TMCO6: variants seen among roughly 807,000 people sequenced by gnomAD.
TMCO6 encodes transmembrane and coiled-coil domain-containing protein 6.
TMCO6 carries 47 observed loss-of-function variants against 61.8 expected under a neutral mutation model. The observed-to-expected ratio is 0.76, with a 90% CI of 0.60 to 0.97. TMCO6 has a LOEUF of 0.97. Among genes scored for constraint, TMCO6 ranks in the 50% least tolerant of loss-of-function variants. The pLI is 0.00. For synonymous variants in TMCO6, 261 were observed against 254.2 expected, an observed-to-expected ratio of 1.03 and a Z score of -0.25; for missense variants, 557 against 601.6, an observed-to-expected ratio of 0.93 and a Z score of 0.78.
the TMCO6 span, among the ~76,000 whole-genome samples, chr5:140,626,622 T>C: frequency 7.4e-4 from 112 of 152,176 alleles, no homozygotes; most frequent in Non-Finnish European, 9.0e-4. Flanking sequence ...CTCTATCTAT[T>C]ATCATTTCTT....
the TMCO6 span, among the ~76,000 whole-genome samples, chr5:140,622,963 C>T: frequency 6.6e-6 from 1 of 152,184 alleles, no homozygotes; most frequent in South Asian, 2.1e-4. Flanking sequence ...AGTGATTCTC[C>T]CAGCTTGGTC....
the TMCO6 span, chr5:140,631,965 T>C: frequency 1.2e-6 from 2 of 1,613,268 alleles, no homozygotes; most frequent in African/African-American, 2.7e-5. Context: ...TGAGCCCTCG[T>C]GGGGGAGGGC....
chr5:140,612,587 C>T, the TMCO6 span, among the ~76,000 whole-genome samples: 1 of 152,176 alleles, frequency 6.6e-6, no homozygotes, highest in Non-Finnish European at 1.5e-5. Flanking sequence ...GATCCACCCG[C>T]CTCGGCCTCC....
intron 7 of TMCO6, 136 bp downstream of exon 7, chr5:140,643,177 G>T: frequency 7.9e-7 from 1 of 1,261,142 alleles, no homozygotes; most frequent in Non-Finnish European, 1.1e-6. Context: ...TGGAGCCCAG[G>T]AGACCCACAG....
chr5:140,609,248 C>T, the TMCO6 span: 3 of 163,892 alleles, frequency 1.8e-5, no homozygotes, highest in South Asian at 3.0e-4. Context: ...CCCAAACGAG[C>T]GGCATGCCAT....
the TMCO6 span, among the ~76,000 whole-genome samples, chr5:140,630,736 A>G: frequency 2.0e-5 from 3 of 152,212 alleles, no homozygotes; most frequent in African/African-American, 7.2e-5. Context: ...GTTTTCTGAC[A>G]TATTTTGAGT....
chr5:140,631,722 G>A, the TMCO6 span: 1 of 829,378 alleles, frequency 1.2e-6, no homozygotes, highest in Non-Finnish European at 1.9e-6. Context: ...TTAAATGAAT[G>A]ACACGGACCC....
chr5:140,598,761 C>T, the TMCO6 span, among the ~76,000 whole-genome samples: 1 of 152,088 alleles, frequency 6.6e-6, no homozygotes, highest in African/African-American at 2.4e-5. Context: ...TGGTGAAACC[C>T]AGTCTCTATT....
chr5:140,619,918 C>A, the TMCO6 span, among the ~76,000 whole-genome samples: 49 of 152,326 alleles, frequency 3.2e-4, 1 homozygote, highest in South Asian at 9.9e-3. Flanking sequence ...TGTGGAGCAA[C>A]AGGAACTCTC....
chr5:140,631,975 C>T, the TMCO6 span: 1 of 1,613,836 alleles, frequency 6.2e-7, no homozygotes. Flanking sequence ...TGGGGGAGGG[C>T]AGTTCCAGGG....
At chr5:140,600,609 C>T in the TMCO6 span, among the ~76,000 whole-genome samples, 1 of 151,776 alleles carries the variant, frequency 6.6e-6, no homozygotes, top group East Asian at 1.9e-4. Flanking sequence ...GGGTTACAGG[C>T]ACCCGCCACT....
the TMCO6 span, among the ~76,000 whole-genome samples, chr5:140,631,148 G>A: frequency 3.9e-5 from 6 of 152,286 alleles, no homozygotes; most frequent in East Asian, 3.9e-4. Context: ...TGTATCTTGC[G>A]TCAGTTCCCT....
Position 140,643,001 on chromosome 5 carries a change from G to A in TMCO6, c.766G>A (p.Ala256Thr), listed in dbSNP as rs763330485. The change falls in exon 7 of 12, where the codon GCT becomes ACT. Residue 256 changes from alanine (A) to threonine (T), a missense_variant. Ala to Thr is a moderately conservative substitution (Grantham distance 58). Coordinates refer to ENST00000394671, the MANE Select transcript of TMCO6 (RefSeq NM_018502.5). ...TGGCCCAAAGCTCAACCCTGGGGTCGCTGTGGAGTTTGCCTGGTGCCTTCA... is the reference window on the plus strand; with the variant it reads ...TGGCCCAAAGCTCAACCCTGGGGTCACTGTGGAGTTTGCCTGGTGCCTTCA... ...QPGPKLNPGV[A>T]VEFAWCLHYI... 3.7e-6 allele frequency: 6 copies of A among 1,614,054 alleles called. No homozygotes were observed. In the Admixed American group the frequency reaches 5.0e-5, roughly 13 times the overall value.
chr5:140,643,848 G>A lies in TMCO6; in HGVS notation c.987G>A (p.Gly329=). ...LTEAAVETVG[G]QMQLRDERVV... ...AGGCAGCAGTGGAGACTGTGGGAGG[G>A]CAAATGCAGCTCAGAGATGAGCGTG... is the stretch of plus-strand genomic sequence containing the variant. Residue 329 remains glycine, a synonymous_variant, in exon 9 of 12, where the codon GGG becomes GGA. Transcript: ENST00000394671. 3.1e-6 allele frequency: 5 copies of A among 1,614,202 alleles called. No individual in the cohort carries two copies. Among genetic ancestry groups the A allele is most frequent in the Non-Finnish European group, 4.2e-6 (5 of 1,180,042 alleles).
chr5:140,614,047 C>T, the TMCO6 span, among the ~76,000 whole-genome samples: 6 of 152,136 alleles, frequency 3.9e-5, no homozygotes, highest in East Asian at 3.9e-4. Context: ...TACAGGCGCC[C>T]GTCACCATGC....
At chr5:140,646,712 G>A (rs1415410779), downstream of TMCO6, among the ~76,000 whole-genome samples, 1 of 152,170 alleles carries the variant, frequency 6.6e-6, no homozygotes, top group African/African-American at 2.4e-5. Context: ...GGGAATAAAT[G>A]TAAAGGCTCA....
chr5:140,599,075 C>G, the TMCO6 span, among the ~76,000 whole-genome samples: 1 of 152,238 alleles, frequency 6.6e-6, no homozygotes, highest in African/African-American at 2.4e-5. Flanking sequence ...GAATGTGCCC[C>G]AGGGCCACCT....
chr5:140,626,097 A>G, the TMCO6 span, among the ~76,000 whole-genome samples: 1 of 152,014 alleles, frequency 6.6e-6, no homozygotes, highest in Admixed American at 6.6e-5. Context: ...TACGGTTTCC[A>G]CAGGCATTTC....
Position 140,645,372 on chromosome 5 carries a change from A to T in TMCO6, c.*274A>T. On this transcript the variant is annotated 3_prime_UTR_variant, in exon 12 of 12. Coordinates refer to ENST00000394671, the MANE Select transcript of TMCO6 (RefSeq NM_018502.5). ...TTGCTTCAGCAGCTGGTAGCTTTTG[A>T]TGAGACAGAATAAAGTTTTATTTTT... The T allele has an allele frequency of 1.3e-6, 1 of 780,134 alleles. No individual in the cohort carries two copies. The highest frequency in any genetic ancestry group is 2.2e-6 in the Non-Finnish European group (1 of 459,346). The allele number at this position is 780,134 out of a possible 1,614,324, so 48.3% of individuals were successfully genotyped here.
Sources: gnomAD v4.1 joint callset for allele counts (sites outside exome capture counted in the v4.1 genomes callset) on GRCh38, gnomAD v4.1.1 for gene constraint, MANE v1.5 for transcripts, NCBI Gene and HGNC (gene_info 2026-07-23, HGNC 2026-07-21) for gene names.